TENM2: variants seen among roughly 807,000 people sequenced by gnomAD.
TENM2 encodes the protein teneurin transmembrane protein 2.
In TENM2, 52 loss-of-function variants were observed where a neutral mutation model predicts 245.2. The observed-to-expected ratio is 0.21, with a 90% confidence interval of 0.17 to 0.27. TENM2 has a LOEUF of 0.27. Among genes scored for constraint, TENM2 ranks in the 10% least tolerant of loss-of-function variants. TENM2 has a pLI of 1.00. For missense variants in TENM2, 3,046 were observed against 3,666.8 expected (o/e 0.83, Z 4.37); for synonymous variants, 1,363 against 1,438.9 (o/e 0.95, Z 1.19).
At chr5:166,981,117 C>T in the TENM2 span, among the ~76,000 whole-genome samples, 95 of 152,258 alleles carry the variant, frequency 6.2e-4, no homozygotes, top group Non-Finnish European at 1.1e-3. Context: ...TCTAAGGCAC[C>T]ATGCAAATTC....
chr5:167,803,047 G>C (rs1314111231), intron 2 of TENM2, among the ~76,000 whole-genome samples: 1 of 152,110 alleles, frequency 6.6e-6, no homozygotes, highest in Non-Finnish European at 1.5e-5. Flanking sequence ...CTAAATGCTT[G>C]ATGTAGGAGG....
intron 2 of TENM2, among the ~76,000 whole-genome samples, chr5:167,641,939 G>A (rs1390900087): frequency 1.3e-5 from 2 of 151,908 alleles, no homozygotes; most frequent in African/African-American, 4.8e-5. Flanking sequence ...TCAGGAGTTC[G>A]AGACCAGCCT....
chr5:168,050,247 T>C (rs1788958430), intron 6 of TENM2, among the ~76,000 whole-genome samples: 1 of 152,318 alleles, frequency 6.6e-6, no homozygotes, highest in South Asian at 2.1e-4. Flanking sequence ...CTTAAGTGGT[T>C]TTAAGGTTTG....
At chr5:167,350,577 A>C in intron 1 of TENM2, among the ~76,000 whole-genome samples, 1 of 146,248 alleles carries the variant, frequency 6.8e-6, no homozygotes, top group Non-Finnish European at 1.5e-5. Flanking sequence ...ATATAGATAT[A>C]TATATGGGAT....
intron 2 of TENM2, among the ~76,000 whole-genome samples, chr5:167,837,497 G>A (rs1205782421): frequency 6.6e-6 from 1 of 152,056 alleles, no homozygotes; most frequent in African/African-American, 2.4e-5. Context: ...TTCATTACTA[G>A]TCTAAAACAT....
At chr5:167,909,068 C>CTTT (rs66529660) in intron 3 of TENM2, among the ~76,000 whole-genome samples, 1 of 135,534 alleles carries the variant, frequency 7.4e-6, no homozygotes, top group African/African-American at 2.7e-5. Flanking sequence ...TTTTCTCTCT[C>CTTT]TTTTTTTTTT....
intron 2 of TENM2, among the ~76,000 whole-genome samples, chr5:167,740,475 C>T (rs1242547013): frequency 6.6e-6 from 1 of 152,080 alleles, no homozygotes; most frequent in Non-Finnish European, 1.5e-5. Flanking sequence ...CCTTCAATTT[C>T]CCTTTCTATA....
intron 2 of TENM2, among the ~76,000 whole-genome samples, chr5:167,780,907 A>G (rs1357439166): frequency 2.0e-5 from 3 of 152,196 alleles, no homozygotes; most frequent in Non-Finnish European, 2.9e-5. Context: ...GTATTTTTGT[A>G]AGAATTTGTC....
intron 3 of TENM2, among the ~76,000 whole-genome samples, chr5:167,920,876 C>T (rs1438279692): frequency 2.0e-5 from 3 of 152,158 alleles, no homozygotes; most frequent in African/African-American, 7.2e-5. Context: ...TAAAAATGAA[C>T]ACCTGACATA....
rs72835652 is a variant in TENM2 at position 167,904,896 on chromosome 5, G to A, written c.712+28701G>A. Among the ~76,000 whole-genome samples, 542 of 152,272 alleles carry A rather than the reference G, an allele frequency of 3.6e-3. 1 individual carries two copies. Among genetic ancestry groups the A allele is most frequent in the Middle Eastern group, 0.014 (4 of 294 alleles). ...GACAGTTGGTCACTTTGACTTTAGGGTCTGTGGTTGAGTCAAAAGAGCTTC... is the reference window on the plus strand; with the variant it reads ...GACAGTTGGTCACTTTGACTTTAGGATCTGTGGTTGAGTCAAAAGAGCTTC... On this transcript the variant is annotated intron_variant, in intron 3 of 28. Coordinates refer to ENST00000518659, the Ensembl canonical transcript of TENM2.
intron 2 of TENM2, among the ~76,000 whole-genome samples, chr5:167,592,550 C>G (rs1413740864): frequency 6.6e-6 from 1 of 152,110 alleles, no homozygotes; most frequent in Non-Finnish European, 1.5e-5. Context: ...TATTGGTTAC[C>G]CATAAAATTT....
intron 5 of TENM2, among the ~76,000 whole-genome samples, chr5:168,035,321 AC>A (rs1276539935): frequency 6.6e-6 from 1 of 152,070 alleles, no homozygotes; most frequent in Non-Finnish European, 1.5e-5. Context: ...ACATGGCGAA[AC>A]CCTGTCTCTA....
In TENM2 at chr5:167,426,504, G is replaced by GT. The variant is rs1178960357; in HGVS notation, c.502+51034dup. The stretch of plus-strand genomic sequence containing the variant: ...GTGGGAAGATTGCTTGAGCCCAAGT[G>GT]TTTGAGACCAACCTGGGCAACATAG... On this transcript the variant is annotated intron_variant, in intron 2 of 28. Transcript: ENST00000518659. 4.8e-5 allele frequency among the ~76,000 whole-genome samples: 6 copies of GT among 123,800 alleles called. No homozygotes were observed. The East Asian group carries it at 1.2e-3, about 25-fold the overall frequency. 81.2% of individuals were successfully genotyped at this position (123,800 alleles called of 152,430 possible).
At chr5:168,039,075 AC>A (rs1787954007) in intron 5 of TENM2, among the ~76,000 whole-genome samples, 1 of 151,588 alleles carries the variant, frequency 6.6e-6, no homozygotes, top group South Asian at 2.1e-4. Context: ...GCACACTCTG[AC>A]CCCCTTGCCT....
At chr5:167,612,495 A>G (rs983637267) in intron 2 of TENM2, among the ~76,000 whole-genome samples, 2 of 152,118 alleles carry the variant, frequency 1.3e-5, no homozygotes, top group Non-Finnish European at 2.9e-5. Flanking sequence ...TACATACCCA[A>G]TCATCCAACA....
chr5:167,093,138 C>T, the TENM2 span, among the ~76,000 whole-genome samples: 2 of 151,360 alleles, frequency 1.3e-5, no homozygotes, highest in Admixed American at 1.3e-4. Flanking sequence ...AAAGAGGATT[C>T]ATTTGGGGGA....
intron 2 of TENM2, among the ~76,000 whole-genome samples, chr5:167,731,105 C>A (rs1431238040): frequency 6.6e-6 from 1 of 151,964 alleles, no homozygotes; most frequent in African/African-American, 2.4e-5. Context: ...TCATTCCACC[C>A]TTGAAAGATG....
intron 2 of TENM2, among the ~76,000 whole-genome samples, chr5:167,863,281 GC>G (rs1561869075): frequency 1.3e-5 from 2 of 152,134 alleles, no homozygotes; most frequent in Admixed American, 6.5e-5. Context: ...GGCAATATGG[GC>G]CCTCTTGTGA....
chr5:167,779,021 G>C (rs907020675), intron 2 of TENM2, among the ~76,000 whole-genome samples: 1 of 152,192 alleles, frequency 6.6e-6, no homozygotes, highest in Non-Finnish European at 1.5e-5. Context: ...AGTTTCTTTA[G>C]AGTCCTTTAT....
Sources: allele counts gnomAD v4.1 joint callset (sites outside exome capture counted in the v4.1 genomes callset), GRCh38; gene constraint gnomAD v4.1.1; transcripts MANE v1.5; gene names NCBI Gene and HGNC (gene_info 2026-07-23, HGNC 2026-07-21).